CASP9: variants seen among roughly 807,000 people sequenced by gnomAD.
The protein encoded by CASP9 is caspase 9.
In CASP9, 29 loss-of-function variants were observed where a neutral mutation model predicts 43.5. The observed-to-expected ratio is 0.67, with a 90% CI of 0.50 to 0.91. The LOEUF (loss-of-function observed/expected upper bound fraction) is 0.91, where lower values mean the gene tolerates loss of function less well. Among genes scored for constraint, CASP9 ranks in the 40% least tolerant of loss-of-function variants. The pLI, the probability that CASP9 is intolerant of heterozygous loss-of-function variation, is 0.00. For missense variants in CASP9, 575 were observed against 537.4 expected, an observed-to-expected ratio of 1.07 and a Z score of -0.69; for synonymous variants, 206 against 211.9, an observed-to-expected ratio of 0.97 and a Z score of 0.24.
intron 8 of CASP9, chr1:15,493,249 C>A: frequency 7.1e-7 from 1 of 1,403,700 alleles, no homozygotes; most frequent in Non-Finnish European, 9.2e-7. Flanking sequence ...AAGTTCAAAT[C>A]AGACTGAAAT....
At chr1:15,494,992 T>C (rs1375794526) in intron 7 of CASP9, among the ~76,000 whole-genome samples, 3 of 151,908 alleles carry the variant, frequency 2.0e-5, no homozygotes, top group African/African-American at 2.4e-5. Context: ...TGAGGCACGA[T>C]TCCTATTCCC....
In CASP9 at chr1:15,491,512, C is replaced by T. The variant is rs534741314; in HGVS notation, c.*1431G>A. 1.6e-6 allele frequency: 1 copy of T among 635,712 alleles called. No homozygotes were observed. The highest frequency in any genetic ancestry group is 2.9e-5 in the Admixed American group (1 of 34,542). The allele number at this position is 635,712 out of a possible 1,614,324, so 39.4% of individuals were successfully genotyped here. On this transcript the variant is annotated 3_prime_UTR_variant, in exon 9 of 9. Coordinates refer to ENST00000333868, the MANE Select transcript of CASP9 (RefSeq NM_001229.5). ...ATGGCTCAAGCCTGTAACCCCTGCA[C>T]TTTGGGAGGCTAAGGCAGGCTGATC...
In CASP9 at chr1:15,493,976, C is replaced by G. The variant is rs758959880; in HGVS notation, c.1074G>C (p.Lys358Asn). 2.4e-5 allele frequency: 39 copies of G among 1,599,346 alleles called. 1 individual carries two copies. The South Asian group carries it at 4.4e-4, about 18-fold the overall frequency. ...GGGTCTCAACGTACCAGGAGCCACT[C>G]TTGGGGTCCCTCCAGGAAACAAAAC... ...FPGFVSWRDPKSGSWYVETLD... is the reference protein window; with the variant it reads ...FPGFVSWRDPNSGSWYVETLD... The change falls in exon 8 of 9, where the codon AAG (lysine) becomes AAC (asparagine). Residue 358 changes from lysine (K) to asparagine (N), a missense_variant. Physicochemically the swap from Lys to Asn is moderately conservative, Grantham distance 94. Coordinates refer to ENST00000333868, the MANE Select transcript of CASP9 (RefSeq NM_001229.5).
intron 1 of CASP9, among the ~76,000 whole-genome samples, chr1:15,520,940 G>C (rs971412805): frequency 6.6e-6 from 1 of 151,914 alleles, no homozygotes; most frequent in South Asian, 2.1e-4. Flanking sequence ...GGCAGATCAC[G>C]AGGTCAGGAG....
intron 6 of CASP9, among the ~76,000 whole-genome samples, chr1:15,497,227 C>T (rs1455741564): frequency 2.7e-5 from 4 of 150,298 alleles, no homozygotes; most frequent in African/African-American, 9.8e-5. Flanking sequence ...AGGAAAATCA[C>T]TTGAATCCAG....
chr1:15,495,176 G>A, intron 7 of CASP9, 97 bp downstream of exon 7: 6 of 1,133,506 alleles, frequency 5.3e-6, no homozygotes, highest in Non-Finnish European at 7.6e-6. Context: ...ACAGAACCAG[G>A]ACTCATACCC....
intron 2 of CASP9, among the ~76,000 whole-genome samples, chr1:15,515,890 T>C (rs1709928797): frequency 1.3e-5 from 2 of 151,954 alleles, no homozygotes; most frequent in African/African-American, 4.8e-5. Flanking sequence ...ACCCTATCTC[T>C]ACAAAAAATT....
In CASP9 at chr1:15,491,450, A is replaced by C; in HGVS notation, c.*1493T>G. The C allele has an allele frequency of 8.1e-7, 1 of 1,235,886 alleles. No homozygotes were observed. Among genetic ancestry groups the C allele is most frequent in the Non-Finnish European group, 1.1e-6 (1 of 869,978 alleles). 76.6% of individuals were successfully genotyped at this position (1,235,886 alleles called of 1,614,324 possible). On this transcript the variant is annotated 3_prime_UTR_variant, in exon 9 of 9. Coordinates refer to ENST00000333868, the MANE Select transcript of CASP9 (RefSeq NM_001229.5). ...TATTAATTCAGAAATCCATCCTAAC[A>C]TCCAGGGCCCTAAGAACCAGAAATA...
intron 2 of CASP9, among the ~76,000 whole-genome samples, chr1:15,512,388 C>T (rs976095287): frequency 1.1e-4 from 16 of 152,088 alleles, no homozygotes; most frequent in African/African-American, 3.4e-4. Flanking sequence ...GATGGTGGGC[C>T]GCGTCCAATC....
At chr1:15,496,383 C>G (rs1709105774) in intron 6 of CASP9, among the ~76,000 whole-genome samples, 1 of 152,146 alleles carries the variant, frequency 6.6e-6, no homozygotes, top group African/African-American at 2.4e-5. Flanking sequence ...GCTTTTGCCA[C>G]TTCTATTCAA....
In CASP9 at chr1:15,493,553, T is replaced by C. The variant is rs982056210; in HGVS notation, c.1158+339A>G. On this transcript the variant is annotated intron_variant, in intron 8 of 8. Coordinates refer to ENST00000333868, the MANE Select transcript of CASP9 (RefSeq NM_001229.5). ...AAGACTACATGATGCCCACAGGATA[T>C]AGGGAGGGGCCCATGACCCGCCTTC... The C allele has an allele frequency of 4.4e-5, 62 of 1,414,106 alleles. No homozygotes were observed. In the East Asian group the frequency reaches 1.4e-3, roughly 33 times the overall value. 87.6% of individuals were successfully genotyped at this position (1,414,106 alleles called of 1,614,324 possible).
At chr1:15,523,500 C>T (rs182930368) in intron 1 of CASP9, among the ~76,000 whole-genome samples, 1 of 152,304 alleles carries the variant, frequency 6.6e-6, no homozygotes, top group Admixed American at 6.5e-5. Flanking sequence ...TGGAGACCAA[C>T]CATGAAGAAT....
At chr1:15,509,018 G>A (rs1397125845) in intron 2 of CASP9, among the ~76,000 whole-genome samples, 1 of 152,188 alleles carries the variant, frequency 6.6e-6, no homozygotes, top group Non-Finnish European at 1.5e-5. Context: ...CCAGTTTTAT[G>A]CATCCTATGC....
intron 6 of CASP9, among the ~76,000 whole-genome samples, chr1:15,500,284 G>A (rs977869423): frequency 1.3e-5 from 2 of 152,172 alleles, no homozygotes; most frequent in African/African-American, 4.8e-5. Context: ...TGCCATCAGG[G>A]AGAACGGTCC....
At chr1:15,503,400 C>A (rs1709401945) in intron 6 of CASP9, among the ~76,000 whole-genome samples, 2 of 152,160 alleles carry the variant, frequency 1.3e-5, no homozygotes, top group Non-Finnish European at 1.5e-5. Context: ...AGGTCAGTAG[C>A]CCATCCAGGG....
chr1:15,498,078 G>A (rs1446876860), intron 6 of CASP9, among the ~76,000 whole-genome samples: 1 of 151,838 alleles, frequency 6.6e-6, no homozygotes, highest in East Asian at 1.9e-4. Flanking sequence ...TTGGGGGATT[G>A]TTTTTTGTTT....
rs1709062483 is a variant in CASP9 at position 15,495,278 on chromosome 1, A to G, written c.1043T>C (p.Phe348Ser). The G allele has an allele frequency of 6.2e-7, 1 of 1,610,216 alleles. No homozygotes were observed. Among genetic ancestry groups the G allele is most frequent in the East Asian group, 2.2e-5 (1 of 44,768 alleles). The change falls in exon 7 of 9, where the codon TTC becomes TCC. Residue 348 changes from phenylalanine (F) to serine (S), a missense_variant. Coordinates refer to ENST00000333868, the MANE Select transcript of CASP9 (RefSeq NM_001229.5). ...AGCCCTTCTGATGTGCTCACCTGGG[A>G]AAGTAGAGTAGGACACAAAGATGTC... ...PSDIFVSYST[F>S]PGFVSWRDPK...
intron 6 of CASP9, 146 bp downstream of exon 6, chr1:15,504,465 G>A (rs1027447477): frequency 3.5e-5 from 26 of 740,208 alleles, no homozygotes; most frequent in Non-Finnish European, 5.2e-5. Context: ...CCAGACAGAG[G>A]TGCTGCCAAA....
chr1:15,524,303 G>C (rs1570885353), upstream of CASP9: 2 of 1,097,560 alleles, frequency 1.8e-6, no homozygotes, highest in South Asian at 3.0e-5. Context: ...GCCTGCCCCC[G>C]CGTCACGGCC....
Sources: allele counts gnomAD v4.1 joint callset (sites outside exome capture counted in the v4.1 genomes callset), GRCh38; gene constraint gnomAD v4.1.1; transcripts MANE v1.5; gene names NCBI Gene and HGNC (gene_info 2026-07-23, HGNC 2026-07-21).